The following ANKRD31 variants were observed in gnomAD, a reference collection of about 807,000 sequenced individuals.
ANKRD31 encodes the protein ankyrin repeat domain-containing protein 31.
ANKRD31 carries 147 observed loss-of-function variants against 186.0 expected under a neutral mutation model. The ratio of observed to expected loss-of-function variants is 0.79; its 90% CI spans 0.69 to 0.91. The LOEUF (loss-of-function observed/expected upper bound fraction) is 0.91, where lower values mean the gene tolerates loss of function less well. Among genes scored for constraint, ANKRD31 ranks in the 40% least tolerant of loss-of-function variants. The pLI is 0.00. For missense variants in ANKRD31, 1,986 were observed against 2,148.8 expected (o/e 0.92, Z 1.50); for synonymous variants, 673 against 736.4 (o/e 0.91, Z 1.39).
intron 2 of ANKRD31, among the ~76,000 whole-genome samples, chr5:75,229,884 AAAAC>A (rs796076994): frequency 0.023 from 1,932 of 84,898 alleles, 89 homozygotes; most frequent in African/African-American, 0.12. Context: ...AAAAAAAAAA[AAAAC>A]AAAAAAAACA....
At chr5:75,142,792 T>A (rs1751147215) in intron 15 of ANKRD31, among the ~76,000 whole-genome samples, 1 of 152,178 alleles carries the variant, frequency 6.6e-6, no homozygotes, top group Admixed American at 6.6e-5. Flanking sequence ...GAATCCCAGA[T>A]GTCACTATCT....
At chr5:75,198,518 GGGAACTTT>G (rs1386406302) in intron 6 of ANKRD31, among the ~76,000 whole-genome samples, 3 of 152,096 alleles carry the variant, frequency 2.0e-5, no homozygotes, top group Non-Finnish European at 4.4e-5. Flanking sequence ...ATGTGCATTG[GGGAACTTT>G]AGGACACAGT....
intron 11 of ANKRD31, among the ~76,000 whole-genome samples, chr5:75,165,225 C>T (rs1235727377): frequency 6.6e-6 from 1 of 152,102 alleles, no homozygotes; most frequent in African/African-American, 2.4e-5. Flanking sequence ...CACTGCTTGT[C>T]CCAAGCATTG....
chr5:75,080,555 C>CTT lies in ANKRD31; in HGVS notation c.5647+11_5647+12dup. 8 of 1,303,644 alleles carry CTT rather than the reference C, an allele frequency of 6.1e-6. No individual in the cohort carries two copies. Among genetic ancestry groups the CTT allele is most frequent in the Admixed American group, 4.6e-5 (2 of 43,442 alleles). The allele number at this position is 1,303,644 out of a possible 1,614,324, so 80.8% of individuals were successfully genotyped here. On this transcript the variant is annotated intron_variant, in intron 25 of 25. Coordinates refer to ENST00000506364, the MANE Select transcript of ANKRD31 (RefSeq NM_001372053.1). ...AAAAGTAAATGGAATTGAATATTTT[C>CTT]TTTTTTTTTTACCTTGTCCAAATTT...
chr5:75,168,847 T>C, intron 11 of ANKRD31, 132 bp downstream of exon 11: 2 of 901,394 alleles, frequency 2.2e-6, no homozygotes, highest in Non-Finnish European at 3.1e-6. Context: ...AATTTCATTA[T>C]AAATTCTAAG....
At chr5:75,094,638 G>T (rs1182686172) in intron 22 of ANKRD31, among the ~76,000 whole-genome samples, 1 of 151,766 alleles carries the variant, frequency 6.6e-6, no homozygotes, top group African/African-American at 2.4e-5. Flanking sequence ...AAGATATGAG[G>T]TATATTGAAA....
In ANKRD31 at chr5:75,091,474, A is replaced by G. The variant is rs575781130; in HGVS notation, c.5332-73T>C. On this transcript the variant is annotated intron_variant, in intron 22 of 25. Transcript: ENST00000506364. Reference sequence around the variant, plus strand: ...ATGTGAATTTTTGCTTCTGGCCATGACAAAGTAACAGGGACCACATATACC... The same window carrying G: ...ATGTGAATTTTTGCTTCTGGCCATGGCAAAGTAACAGGGACCACATATACC... 2.1e-6 allele frequency: 3 copies of G among 1,406,406 alleles called. No homozygotes were observed. In the African/African-American group the frequency reaches 4.3e-5, roughly 20 times the overall value. 87.1% of individuals were successfully genotyped at this position (1,406,406 alleles called of 1,614,324 possible). A position where few individuals can be genotyped will look rare whatever the true frequency, so the allele number is the denominator to read the frequency against.
intron 22 of ANKRD31, among the ~76,000 whole-genome samples, chr5:75,099,082 C>G (rs1282432791): frequency 1.3e-5 from 2 of 152,074 alleles, no homozygotes; most frequent in Non-Finnish European, 2.9e-5. Flanking sequence ...ATAAATAGCT[C>G]TTATTATTTT....
At chr5:75,152,866 T>G (rs1411971806) in intron 12 of ANKRD31, among the ~76,000 whole-genome samples, 1 of 151,940 alleles carries the variant, frequency 6.6e-6, no homozygotes, top group South Asian at 2.1e-4. Flanking sequence ...TAAAAATATA[T>G]GCATAGATTT....
chr5:75,099,999 A>T (rs938510574), intron 22 of ANKRD31, among the ~76,000 whole-genome samples: 13 of 151,972 alleles, frequency 8.6e-5, no homozygotes, highest in African/African-American at 3.1e-4. Context: ...TCTTTAGTTC[A>T]TTTAATTGTG....
At chr5:75,131,389 C>T (rs997236557) in intron 17 of ANKRD31, among the ~76,000 whole-genome samples, 16 of 152,168 alleles carry the variant, frequency 1.1e-4, no homozygotes, top group East Asian at 3.9e-4. Context: ...GAGGGTCCCA[C>T]GCCCACAGAG....
intron 23 of ANKRD31, among the ~76,000 whole-genome samples, chr5:75,086,777 C>T (rs1745518734): frequency 1.3e-5 from 2 of 152,210 alleles, no homozygotes; most frequent in Non-Finnish European, 2.9e-5. Context: ...CCCTGAAGCT[C>T]TTACAACACT....
intron 22 of ANKRD31, among the ~76,000 whole-genome samples, chr5:75,102,824 T>A (rs6867272): frequency 9.9e-5 from 15 of 152,048 alleles, no homozygotes; most frequent in South Asian, 6.2e-4. Flanking sequence ...TCCAGGTACC[T>A]TCTGCCATGG....
chr5:75,236,622 G>A lies in ANKRD31; in HGVS notation c.65C>T (p.Thr22Met). ...CTCCTTTTCTTCCAGGTCGCTCTCCGTCACTGAACCCTCTATCACAGTTTC... is the reference window on the plus strand; with the variant it reads ...CTCCTTTTCTTCCAGGTCGCTCTCCATCACTGAACCCTCTATCACAGTTTC... ...SDETVIEGSV[T>M]ESDLEEKELP... The change falls in exon 1 of 26, where the codon ACG becomes ATG. Residue 22 changes from threonine to methionine, a missense_variant. Transcript: ENST00000506364. 1 of 1,537,278 alleles carries A rather than the reference G, an allele frequency of 6.5e-7. No homozygotes were observed. The highest frequency in any genetic ancestry group is 8.7e-7 in the Non-Finnish European group (1 of 1,146,888).
chr5:75,166,150 T>C (rs1752906312), intron 11 of ANKRD31, among the ~76,000 whole-genome samples: 1 of 152,078 alleles, frequency 6.6e-6, no homozygotes, highest in Non-Finnish European at 1.5e-5. Flanking sequence ...CCACATAATA[T>C]AATGTATAAT....
chr5:75,130,117 G>T (rs1580382722), intron 17 of ANKRD31, among the ~76,000 whole-genome samples: 1 of 152,108 alleles, frequency 6.6e-6, no homozygotes, highest in Non-Finnish European at 1.5e-5. Context: ...GTGGGTTCTT[G>T]GTCTCACTGA....
At chr5:75,172,510 AAG>A (rs1753417513) in intron 10 of ANKRD31, among the ~76,000 whole-genome samples, 1 of 152,144 alleles carries the variant, frequency 6.6e-6, no homozygotes, top group Non-Finnish European at 1.5e-5. Flanking sequence ...TAAAGAAGAA[AAG>A]AGAGATGAAT....
At chr5:75,070,767 A>G (rs1744160643) in intron 25 of ANKRD31, among the ~76,000 whole-genome samples, 1 of 152,178 alleles carries the variant, frequency 6.6e-6, no homozygotes, top group Non-Finnish European at 1.5e-5. Flanking sequence ...GCATCCATTA[A>G]AGTTCCTAGG....
At chr5:75,071,745 A>G (rs1160823257) in intron 25 of ANKRD31, among the ~76,000 whole-genome samples, 1 of 151,998 alleles carries the variant, frequency 6.6e-6, no homozygotes, top group East Asian at 1.9e-4. Flanking sequence ...TGATCTGCCC[A>G]CCTCGGCCTC....
Sources: gnomAD v4.1 joint callset for allele counts (sites outside exome capture counted in the v4.1 genomes callset) on GRCh38, gnomAD v4.1.1 for gene constraint, MANE v1.5 for transcripts, NCBI Gene and HGNC (gene_info 2026-07-23, HGNC 2026-07-21) for gene names.